The following KIDINS220 variants were observed in gnomAD, a reference collection of about 807,000 sequenced individuals.
KIDINS220 encodes the protein kinase D interacting substrate 220.
A neutral mutation model predicts 157.6 loss-of-function variants in KIDINS220; 63 were observed. The ratio of observed to expected loss-of-function variants is 0.40; its 90% CI spans 0.33 to 0.49. KIDINS220 has a LOEUF of 0.49. Ranked by LOEUF, KIDINS220 falls within the 20% of genes least tolerant of loss-of-function variation. KIDINS220 has a pLI of 0.66. For synonymous variants in KIDINS220, 732 were observed against 783.6 expected (o/e 0.93, Z 1.10); for missense variants, 1,772 against 2,171.2 (o/e 0.82, Z 3.65).
At position 8,750,302 on chromosome 2, in the gene KIDINS220, C is replaced by G. The variant is rs1667173962; in HGVS notation, c.3224G>C (p.Gly1075Ala). Residue 1075 changes from glycine (G) to alanine (A), a missense_variant, in exon 24 of 30, where the codon GGA becomes GCA. By Grantham distance (60) the Gly-to-Ala change is moderately conservative (BLOSUM62 0). Coordinates refer to ENST00000256707, the MANE Select transcript of KIDINS220 (RefSeq NM_020738.4). ...VRAAREQISIGGLAYPPLPLH... is the reference protein window; with the variant it reads ...VRAAREQISIAGLAYPPLPLH... ...AGGGAGCGGGGGGTACGCCAGTCCT[C>G]CAATACTGATCTGCTCTCTGGCAGC... is the stretch of plus-strand genomic sequence containing the variant. 6.2e-7 allele frequency: 1 copy of G among 1,609,088 alleles called. No homozygotes were observed. Among genetic ancestry groups the G allele is most frequent in the Admixed American group, 1.7e-5 (1 of 59,712 alleles).
At chr2:8,812,755 T>C (rs1181626896) in intron 5 of KIDINS220, among the ~76,000 whole-genome samples, 1 of 152,162 alleles carries the variant, frequency 6.6e-6, no homozygotes, top group Non-Finnish European at 1.5e-5. Flanking sequence ...AAATCTTAAG[T>C]AAACATATAT....
At chr2:8,750,067 C>T (rs1667118773) in intron 24 of KIDINS220, 45 bp downstream of exon 24, 2 of 1,531,462 alleles carry the variant, frequency 1.3e-6, no homozygotes, top group Non-Finnish European at 1.8e-6. Flanking sequence ...CTGAGGTTTC[C>T]CTGTAACAAA....
chr2:8,778,603 A>G, intron 20 of KIDINS220, 36 bp downstream of exon 20: 1 of 1,322,678 alleles, frequency 7.6e-7, no homozygotes, highest in South Asian at 1.2e-5. Context: ...TTGAATAGCA[A>G]TACAAACATA....
chr2:8,820,409 G>C (rs1375163986), intron 2 of KIDINS220, among the ~76,000 whole-genome samples: 1 of 152,194 alleles, frequency 6.6e-6, no homozygotes, highest in Non-Finnish European at 1.5e-5. Flanking sequence ...GAGTAAACGA[G>C]TGAGCAAAGT....
intron 17 of KIDINS220, among the ~76,000 whole-genome samples, chr2:8,782,846 C>T (rs1190650639): frequency 6.6e-6 from 1 of 152,098 alleles, no homozygotes; most frequent in Admixed American, 6.6e-5. Context: ...GAGATTTATG[C>T]CAGGTAGGTA....
chr2:8,818,987 A>C (rs538460578), intron 2 of KIDINS220, among the ~76,000 whole-genome samples, 194 bp from the exon 3 acceptor site: 2 of 152,352 alleles, frequency 1.3e-5, no homozygotes, highest in African/African-American at 4.8e-5. Flanking sequence ...AGAAAAAATA[A>C]AACATAATTT....
At chr2:8,833,326 G>T (rs949418750) in intron 1 of KIDINS220, among the ~76,000 whole-genome samples, 3 of 152,050 alleles carry the variant, frequency 2.0e-5, no homozygotes, top group Admixed American at 2.0e-4. Context: ...AATATTAGCT[G>T]TTTTACATAA....
chr2:8,772,518 T>C (rs1670367515), intron 21 of KIDINS220, among the ~76,000 whole-genome samples: 1 of 152,070 alleles, frequency 6.6e-6, no homozygotes, highest in Admixed American at 6.5e-5. Flanking sequence ...GTAAATATTC[T>C]ATCCTAAGAA....
At chr2:8,793,475 AAC>A (rs1290243023) in intron 12 of KIDINS220, among the ~76,000 whole-genome samples, 6 of 152,186 alleles carry the variant, frequency 3.9e-5, no homozygotes, top group African/African-American at 1.2e-4. Context: ...CAGCCTGGGC[AAC>A]AGAGTGAGAC....
chr2:8,792,845 AAG>A (rs1406121366), intron 12 of KIDINS220, among the ~76,000 whole-genome samples: 1 of 152,222 alleles, frequency 6.6e-6, no homozygotes, highest in Admixed American at 6.5e-5. Context: ...TCCTAAAAAT[AAG>A]AGTCAATGGA....
chr2:8,726,097 T>G (rs539138714), downstream of KIDINS220, among the ~76,000 whole-genome samples: 5 of 152,352 alleles, frequency 3.3e-5, no homozygotes, highest in South Asian at 1.0e-3. Flanking sequence ...TCACTCCAGA[T>G]AGGTTTTTAT....
intron 26 of KIDINS220, 90 bp from the exon 27 acceptor site, chr2:8,737,089 A>G (rs1186848467): frequency 2.4e-6 from 3 of 1,274,518 alleles, no homozygotes; most frequent in African/African-American, 3.0e-5. Flanking sequence ...TCATTAAGTT[A>G]TACCATGAAG....
At chr2:8,791,296 G>T in intron 12 of KIDINS220, 72 bp from the exon 13 acceptor site, 1 of 1,346,020 alleles carries the variant, frequency 7.4e-7, no homozygotes, top group Non-Finnish European at 1.0e-6. Context: ...TATTTTCATT[G>T]TTTCCTTGAT....
rs996922616 is a variant in KIDINS220 at position 8,811,689 on chromosome 2, A to AG, written c.504+705dup. 4.6e-4 allele frequency among the ~76,000 whole-genome samples: 70 copies of AG among 152,324 alleles called. 1 individual carries two copies. The highest frequency in any genetic ancestry group is 1.7e-3 in the African/African-American group (70 of 41,574). On this transcript the variant is annotated intron_variant, in intron 6 of 29. Coordinates refer to ENST00000256707, the MANE Select transcript of KIDINS220 (RefSeq NM_020738.4). Reference sequence around the variant, plus strand: ...CTGGGTTTTATCCCGAAACAGTGAAAGCCAACGAAGCTTTCCAAAAGTAAG... The same window carrying AG: ...CTGGGTTTTATCCCGAAACAGTGAAAGGCCAACGAAGCTTTCCAAAAGTAAG...
At chr2:8,770,106 A>G (rs1669986685) in intron 22 of KIDINS220, among the ~76,000 whole-genome samples, 1 of 152,222 alleles carries the variant, frequency 6.6e-6, no homozygotes, top group Non-Finnish European at 1.5e-5. Context: ...AGAAGTGTAT[A>G]TAAACTATAC....
At position 8,733,790 on chromosome 2, in the gene KIDINS220, A is replaced by G. The variant is rs181047867; in HGVS notation, c.3817-110T>C. 7.2e-4 allele frequency: 500 copies of G among 694,540 alleles called. 1 individual carries two copies. The highest frequency in any genetic ancestry group is 1.1e-3 in the Non-Finnish European group (463 of 440,154). 43.0% of individuals were successfully genotyped at this position (694,540 alleles called of 1,614,324 possible). A position where few individuals can be genotyped will look rare whatever the true frequency, so the allele number is the denominator to read the frequency against. ...AAAGCTATTGCAACAGCAATGAGAAAGCATACTTCTGGTAAGTGAATTTCT... is the reference window on the plus strand; with the variant it reads ...AAAGCTATTGCAACAGCAATGAGAAGGCATACTTCTGGTAAGTGAATTTCT... On this transcript the variant is annotated intron_variant, in intron 28 of 29. Transcript: ENST00000256707.
rs1664006020 is a variant in KIDINS220, at chr2:8,731,056, G to A, written c.4980C>T (p.Ala1660=). 2 of 1,614,192 alleles carry A rather than the reference G, an allele frequency of 1.2e-6. No homozygotes were observed. Among genetic ancestry groups the A allele is most frequent in the Non-Finnish European group, 1.7e-6 (2 of 1,180,028 alleles). Residue 1660 remains alanine, a synonymous_variant, in exon 30 of 30, where the codon GCC becomes GCT. Coordinates refer to ENST00000256707, the MANE Select transcript of KIDINS220 (RefSeq NM_020738.4). This position sits in a 1 kb window ranked among gnomAD's most constrained non-coding sequence, Gnocchi z 5.2. ...CAGGCCAGTTTTCTTCAGGGCTGCT[G>A]GCTATCAAGCTGCATTCGGAAGGGC... ...KKSPSECSLI[A]SSPEENWPAC...
downstream of KIDINS220, among the ~76,000 whole-genome samples, chr2:8,727,778 T>A (rs1192523905): frequency 6.6e-6 from 1 of 152,222 alleles, no homozygotes; most frequent in Non-Finnish European, 1.5e-5. Context: ...ATATAACACA[T>A]AAACACATTT....
chr2:8,766,455 T>C (rs1335252504), intron 22 of KIDINS220, among the ~76,000 whole-genome samples: 2 of 152,224 alleles, frequency 1.3e-5, no homozygotes, highest in Non-Finnish European at 2.9e-5. Context: ...CCTTTTATTC[T>C]TTCCACCACA....
Sources: allele counts gnomAD v4.1 joint callset (sites outside exome capture counted in the v4.1 genomes callset), GRCh38; gene constraint gnomAD v4.1.1; non-coding constraint Gnocchi (gnomAD v3.1); transcripts MANE v1.5; gene names NCBI Gene and HGNC (gene_info 2026-07-23, HGNC 2026-07-21).